The following MICALL2 variants were observed in gnomAD, a reference collection of about 807,000 sequenced individuals.
MICALL2 encodes the protein MICAL-like protein 2.
A neutral mutation model predicts 91.1 loss-of-function variants in MICALL2; 111 were observed. The ratio of observed to expected loss-of-function variants is 1.22; its 90% CI spans 1.04 to 1.43. The LOEUF is 1.43. MICALL2 is among the 40% of genes most tolerant of loss of function. MICALL2 has a pLI of 0.00. For synonymous variants in MICALL2, 694 were observed against 525.3 expected (o/e 1.32, Z -4.39); for missense variants, 1,556 against 1,236.0 (o/e 1.26, Z -3.88).
At chr7:1,438,548 C>A (rs920737692) in intron 10 of MICALL2, 195 bp from the exon 11 acceptor site, 1 of 1,429,700 alleles carries the variant, frequency 7.0e-7, no homozygotes, top group Non-Finnish European at 9.1e-7. Context: ...CCAGCCCCAC[C>A]CTGCACCCTG....
intron 1 of MICALL2, among the ~76,000 whole-genome samples, chr7:1,456,312 T>C (rs1428476869): frequency 1.3e-5 from 2 of 152,178 alleles, no homozygotes; most frequent in Non-Finnish European, 2.9e-5. Flanking sequence ...CCAGACGCAG[T>C]GGCTCGCGCC....
Position 1,445,345 on chromosome 7 carries a change from A to C in MICALL2, c.725T>G (p.Leu242Arg). The change falls in exon 6 of 17, where the codon CTC (leucine) becomes CGC (arginine). Residue 242 changes from leucine (L) to arginine (R), a missense_variant. Coordinates refer to ENST00000297508, the MANE Select transcript of MICALL2 (RefSeq NM_182924.4). ...EPGTFVCTSH[L>R]PAAASASPKL... ...GGGGCTTGCAGAGGCGGCTGCGGGGAGGTGGCTGGTGCAGACGAAGGTGCC... is the reference window on the plus strand; with the variant it reads ...GGGGCTTGCAGAGGCGGCTGCGGGGCGGTGGCTGGTGCAGACGAAGGTGCC... 1 of 1,603,012 alleles carries C rather than the reference A, an allele frequency of 6.2e-7. No homozygotes were observed. The highest frequency in any genetic ancestry group is 1.1e-5 in the South Asian group (1 of 90,326).
At chr7:1,437,297 G>A (rs1016641756) in intron 14 of MICALL2, 22 of 504,122 alleles carry the variant, frequency 4.4e-5, no homozygotes, top group Admixed American at 2.3e-4. Context: ...TGAGGTGGGT[G>A]CTACAAGCAT....
At chr7:1,444,520 G>A (rs1171807369) in intron 6 of MICALL2, 132 bp downstream of exon 6, 35 of 887,654 alleles carry the variant, frequency 3.9e-5, no homozygotes, top group Non-Finnish European at 5.7e-5. Flanking sequence ...AAGGAAACAG[G>A]CTGGGGGAAG....
chr7:1,445,067 T>A lies in MICALL2; in HGVS notation c.1003A>T (p.Lys335Ter). The change falls in exon 6 of 17, where the codon AAA (lysine) becomes TAA (stop). Residue 335 changes from lysine to a stop codon, truncating the protein, a stop_gained. Coordinates refer to ENST00000297508, the MANE Select transcript of MICALL2 (RefSeq NM_182924.4). LOFTEE classifies it high-confidence loss of function. ...CTATTGGTCACACGAGGGCGGACTT[T>A]CCCCTCCGTGGGAGTGGGGGCCAGG... ...SRLAPTPTEG[K>*]VRPRVTNSSP... The A allele has an allele frequency of 6.5e-7, 1 of 1,549,310 alleles. No homozygotes were observed. The highest frequency in any genetic ancestry group is 8.7e-7 in the Non-Finnish European group (1 of 1,146,990).
At chr7:1,439,722 TACATGAAC>T in intron 9 of MICALL2, 195 bp downstream of exon 9, 1 of 444,040 alleles carries the variant, frequency 2.3e-6, no homozygotes, top group Non-Finnish European at 3.9e-6. Flanking sequence ...AGGCATCACA[TACATGAAC>T]ACATGCACAC....
rs61736386 is a variant in MICALL2, at chr7:1,438,940, G to A, written c.2022C>T (p.Asp674=). 7,432 of 1,605,838 alleles carry A rather than the reference G, an allele frequency of 4.6e-3. 180 individuals carry two copies. The African/African-American group carries it at 0.057, about 12-fold the overall frequency. Residue 674 remains aspartate, a synonymous_variant, in exon 10 of 17, where the codon GAC becomes GAT. Coordinates refer to ENST00000297508, the MANE Select transcript of MICALL2 (RefSeq NM_182924.4). ...CCGGCCGAAGCCAGTTGTCACAAAC[G>A]TCGAGGCTGGCAGGGACGGCCAGTC... ...RRRLAVPASL[D]VCDNWLRPEP...
chr7:1,459,115 C>CA, intron 1 of MICALL2, 69 bp downstream of exon 1: 1 of 1,488,782 alleles, frequency 6.7e-7, no homozygotes, highest in South Asian at 1.2e-5. Flanking sequence ...GCCCGGGCCT[C>CA]AGTTTCCCCG....
chr7:1,435,431 G>A (rs554088023), intron 15 of MICALL2, among the ~76,000 whole-genome samples: 23 of 151,916 alleles, frequency 1.5e-4, no homozygotes, highest in African/African-American at 5.1e-4. Context: ...GACCACACCA[G>A]TGACCTGGAC....
intron 1 of MICALL2, chr7:1,450,508 G>C: frequency 1.8e-6 from 1 of 552,300 alleles, no homozygotes; most frequent in Non-Finnish European, 3.3e-6. Flanking sequence ...ACATCAGACG[G>C]CCCCAGCTTC....
Position 1,436,767 on chromosome 7 carries a change from C to T in MICALL2, c.2566G>A (p.Asp856Asn). The T allele has an allele frequency of 6.2e-7, 1 of 1,608,296 alleles. No individual in the cohort carries two copies. Among genetic ancestry groups the T allele is most frequent in the Non-Finnish European group, 8.5e-7 (1 of 1,178,444 alleles). ...STVNDRSDIV[D>N]SLDEDRLREQ... ...CGGAGCCGGTCCTCGTCCAGCGAGT[C>T]CACGATGTCACTGCGGTCGTTCACG... The change falls in exon 15 of 17, where the codon GAC becomes AAC. Residue 856 changes from aspartate to asparagine, a missense_variant. Transcript: ENST00000297508.
At chr7:1,455,002 C>T (rs116447414) in intron 1 of MICALL2, among the ~76,000 whole-genome samples, 6 of 152,300 alleles carry the variant, frequency 3.9e-5, no homozygotes, top group East Asian at 1.9e-4. Context: ...CCCAACTTCA[C>T]GACACCCTCC....
intron 1 of MICALL2, among the ~76,000 whole-genome samples, chr7:1,453,241 T>C (rs1349862428): frequency 6.6e-6 from 1 of 152,062 alleles, no homozygotes; most frequent in East Asian, 1.9e-4. Flanking sequence ...AGAATTCATT[T>C]TGCCTCCTTT....
Position 1,441,788 on chromosome 7 carries a change from G to A in MICALL2, c.1711+404C>T, listed in dbSNP as rs117061107. The A allele has an allele frequency of 1.1e-3, 263 of 243,504 alleles. 2 individuals are homozygous for A. In the East Asian group the frequency reaches 0.018, roughly 17 times the overall value. The allele number at this position is 243,504 out of a possible 1,614,324, so 15.1% of individuals were successfully genotyped here. On this transcript the variant is annotated intron_variant, in intron 7 of 16. Coordinates refer to ENST00000297508, the MANE Select transcript of MICALL2 (RefSeq NM_182924.4). ...TGACACAGGGTGCCACAGCAACAGC[G>A]CGACGTTGTCAAAGCGACAGGCAGG...
At chr7:1,435,867 T>C (rs371548821) in intron 15 of MICALL2, among the ~76,000 whole-genome samples, 82 of 151,532 alleles carry the variant, frequency 5.4e-4, no homozygotes, top group African/African-American at 9.5e-4. Context: ...CTGGCTAACA[T>C]GGGGAAACCC....
At chr7:1,435,578 G>C (rs901579074) in intron 15 of MICALL2, among the ~76,000 whole-genome samples, 1 of 152,182 alleles carries the variant, frequency 6.6e-6, no homozygotes, top group African/African-American at 2.4e-5. Context: ...GAAGGGCCTC[G>C]GCCGACCCAT....
chr7:1,439,661 ACAC>A (rs1405350662), intron 9 of MICALL2: 3 of 389,752 alleles, frequency 7.7e-6, no homozygotes, highest in African/African-American at 6.2e-5. Context: ...CATGCATCAC[ACAC>A]ATGAACACAG....
chr7:1,448,144 T>C lies in MICALL2; in HGVS notation c.335-379A>G, dbSNP rs998011658. The C allele has an allele frequency of 1.2e-5, 3 of 243,062 alleles. No homozygotes were observed. In the East Asian group the frequency reaches 2.6e-4, roughly 21 times the overall value. The allele number at this position is 243,062 out of a possible 1,614,324, so 15.1% of individuals were successfully genotyped here. ...GGCCTGTCCCTCCCCTGCCCAGTTC[T>C]ATCCGGGGGCCCCACCCTGCCAGGC... On this transcript the variant is annotated intron_variant, in intron 3 of 16. Transcript: ENST00000297508.
intron 1 of MICALL2, among the ~76,000 whole-genome samples, chr7:1,454,739 C>G (rs931383007): frequency 1.3e-5 from 2 of 152,188 alleles, no homozygotes; most frequent in Non-Finnish European, 2.9e-5. Flanking sequence ...GGCCCTGGCC[C>G]AGGAAGTGAG....
Sources: allele counts gnomAD v4.1 joint callset (sites outside exome capture counted in the v4.1 genomes callset), GRCh38; gene constraint gnomAD v4.1.1; transcripts MANE v1.5; gene names NCBI Gene and HGNC (gene_info 2026-07-23, HGNC 2026-07-21).